SHISA9: variants seen among roughly 807,000 people sequenced by gnomAD.
The protein encoded by SHISA9 is shisa family member 9.
A neutral mutation model predicts 38.0 loss-of-function variants in SHISA9; 13 were observed. That is an observed-to-expected ratio of 0.34 (90% confidence interval 0.22 to 0.54). SHISA9 has a LOEUF of 0.54. Ranked by LOEUF, SHISA9 falls within the 20% of genes least tolerant of loss-of-function variation. The probability of loss-of-function intolerance (pLI) is 0.91; values close to 1 mark genes in which losing one functional copy is unlikely to be tolerated. For synonymous variants in SHISA9, 275 were observed against 242.0 expected (o/e 1.14, Z -1.27); for missense variants, 538 against 575.8 (o/e 0.93, Z 0.67).
At chr16:13,513,461 C>T in the SHISA9 span, among the ~76,000 whole-genome samples, 1 of 152,116 alleles carries the variant, frequency 6.6e-6, no homozygotes, top group Non-Finnish European at 1.5e-5. Flanking sequence ...CCAGAAATAC[C>T]ATTGACCCAG....
chr16:12,939,109 A>G (rs1166075177), intron 2 of SHISA9, among the ~76,000 whole-genome samples: 3 of 151,134 alleles, frequency 2.0e-5, no homozygotes, highest in Non-Finnish European at 2.9e-5. Context: ...CTTCTGATGG[A>G]GTCTCCCTCT....
At chr16:13,070,112 C>G (rs79614946) in intron 2 of SHISA9, among the ~76,000 whole-genome samples, 1,934 of 132,952 alleles carry the variant, frequency 0.015, 23 homozygotes, top group Middle Eastern at 0.048. Context: ...AAACATCAAC[C>G]CTTTAAAGTA....
At chr16:13,341,584 A>G in the SHISA9 span, among the ~76,000 whole-genome samples, 2 of 152,226 alleles carry the variant, frequency 1.3e-5, no homozygotes, top group Admixed American at 1.3e-4. Flanking sequence ...ACTCTGACGC[A>G]GCAGACAACC....
chr16:13,429,472 C>T, the SHISA9 span, among the ~76,000 whole-genome samples: 2 of 152,146 alleles, frequency 1.3e-5, no homozygotes, highest in Admixed American at 6.5e-5. Context: ...TCCTGGGTGT[C>T]TTCACATCGT....
intron 2 of SHISA9, among the ~76,000 whole-genome samples, chr16:13,144,237 C>T (rs1273832870): frequency 1.3e-5 from 2 of 151,266 alleles, no homozygotes; most frequent in African/African-American, 4.9e-5. Context: ...ACTGCAACCT[C>T]TGTCTCCTGG....
the SHISA9 span, among the ~76,000 whole-genome samples, chr16:13,415,528 A>G: frequency 0.73 from 110,762 of 152,046 alleles, 40,607 homozygotes; most frequent in Admixed American, 0.82. Flanking sequence ...CTGTACAACA[A>G]ACTCCCATTA....
At chr16:13,429,047 G>A in the SHISA9 span, among the ~76,000 whole-genome samples, 8 of 152,262 alleles carry the variant, frequency 5.3e-5, no homozygotes, top group South Asian at 2.1e-4. Context: ...GATTACAGGC[G>A]TGAGCCACCA....
At chr16:12,977,401 A>G (rs1249582178) in intron 2 of SHISA9, among the ~76,000 whole-genome samples, 7 of 152,192 alleles carry the variant, frequency 4.6e-5, no homozygotes, top group Admixed American at 4.6e-4. Context: ...TGTGGAAGAC[A>G]GTGTGGCAAT....
the SHISA9 span, among the ~76,000 whole-genome samples, chr16:13,538,345 C>G: frequency 6.6e-6 from 1 of 152,130 alleles, no homozygotes; most frequent in African/African-American, 2.4e-5. Flanking sequence ...CTTTTATAAA[C>G]ACAAGACATA....
the SHISA9 span, among the ~76,000 whole-genome samples, chr16:13,503,374 A>T: frequency 1.3e-5 from 2 of 152,338 alleles, no homozygotes; most frequent in South Asian, 2.1e-4. Context: ...AGGGCTTAAA[A>T]CAATAATAAT....
At chr16:13,546,087 C>T in the SHISA9 span, among the ~76,000 whole-genome samples, 1 of 152,122 alleles carries the variant, frequency 6.6e-6, no homozygotes, top group African/African-American at 2.4e-5. Context: ...GCCCTCTTGC[C>T]TAGAGCCAGA....
At chr16:13,103,936 A>G (rs2073902792) in intron 2 of SHISA9, among the ~76,000 whole-genome samples, 2 of 151,906 alleles carry the variant, frequency 1.3e-5, no homozygotes. Context: ...GATATACGCC[A>G]CTCTCCAAGC....
At chr16:12,911,479 C>A in intron 1 of SHISA9, 1 of 731,898 alleles carries the variant, frequency 1.4e-6, no homozygotes, top group Non-Finnish European at 1.7e-6. Flanking sequence ...CATTATGAAG[C>A]ATACGTAAGG....
chr16:13,269,869 T>C, the SHISA9 span, among the ~76,000 whole-genome samples: 1 of 152,194 alleles, frequency 6.6e-6, no homozygotes, highest in African/African-American at 2.4e-5. Context: ...ATTCAAGGTC[T>C]GGAGCAGAAT....
chr16:13,025,123 A>G (rs1261798117), intron 2 of SHISA9, among the ~76,000 whole-genome samples: 2 of 152,172 alleles, frequency 1.3e-5, no homozygotes, highest in African/African-American at 2.4e-5. Context: ...AGTTTCTAGA[A>G]TACCCTGTGT....
At chr16:13,519,324 CA>C in the SHISA9 span, among the ~76,000 whole-genome samples, 1 of 152,128 alleles carries the variant, frequency 6.6e-6, no homozygotes, top group Admixed American at 6.5e-5. Flanking sequence ...TTCGTTGTAG[CA>C]TTGTTATGGG....
the SHISA9 span, among the ~76,000 whole-genome samples, chr16:13,253,919 T>G: frequency 6.6e-6 from 1 of 152,202 alleles, no homozygotes; most frequent in Non-Finnish European, 1.5e-5. Flanking sequence ...TTTTTTCACT[T>G]TTTAAAAATC....
intron 2 of SHISA9, among the ~76,000 whole-genome samples, chr16:13,108,936 T>C (rs1251665311): frequency 6.6e-6 from 1 of 152,192 alleles, no homozygotes. Flanking sequence ...AGCAGCATCA[T>C]GTGAAAAGGG....
chr16:13,234,012 TAATA>T (rs886801809), intron 4 of SHISA9, among the ~76,000 whole-genome samples: 25 of 152,158 alleles, frequency 1.6e-4, no homozygotes, highest in African/African-American at 3.9e-4. Context: ...GAAAAAATAA[TAATA>T]AATAAATAAA....
Sources: gnomAD v4.1 joint callset for allele counts (sites outside exome capture counted in the v4.1 genomes callset) on GRCh38, gnomAD v4.1.1 for gene constraint, MANE v1.5 for transcripts, NCBI Gene and HGNC (gene_info 2026-07-23, HGNC 2026-07-21) for gene names.